Variants in C2orf49 observed in about 807,000 individuals in gnomAD.
The protein encoded by C2orf49 is tRNA-splicing ligase complex subunit ASW.
A neutral mutation model predicts 20.6 loss-of-function variants in C2orf49; 11 were observed. The ratio of observed to expected loss-of-function variants is 0.53; its 90% CI spans 0.34 to 0.88. The LOEUF (loss-of-function observed/expected upper bound fraction) is 0.88. Ranked by LOEUF, C2orf49 falls within the 40% of genes least tolerant of loss-of-function variation. The pLI, the probability that C2orf49 is intolerant of heterozygous loss-of-function variation, is 0.02. For missense variants in C2orf49, 289 were observed against 274.2 expected (o/e 1.05, Z -0.38); for synonymous variants, 134 against 108.5 (o/e 1.24, Z -1.46).
chr2:105,372,249 G>A, the C2orf49 span, among the ~76,000 whole-genome samples: 7 of 151,454 alleles, frequency 4.6e-5, no homozygotes, highest in East Asian at 1.9e-4. Flanking sequence ...TTTTTGAGAC[G>A]GAGTCTCACT....
chr2:105,344,980 T>G (rs190743232), intron 3 of C2orf49, among the ~76,000 whole-genome samples: 17 of 152,282 alleles, frequency 1.1e-4, no homozygotes, highest in African/African-American at 3.8e-4. Flanking sequence ...CAACTCTGAT[T>G]GTATGTTAAC....
chr2:105,379,494 T>A, the C2orf49 span, among the ~76,000 whole-genome samples: 3 of 152,234 alleles, frequency 2.0e-5, no homozygotes, highest in Non-Finnish European at 4.4e-5. Flanking sequence ...CATACCTATT[T>A]TGAGCCATAC....
At chr2:105,361,623 TG>T in the C2orf49 span, among the ~76,000 whole-genome samples, 1 of 152,164 alleles carries the variant, frequency 6.6e-6, no homozygotes, top group Non-Finnish European at 1.5e-5. Flanking sequence ...GAGGATCTCG[TG>T]AATATCAGAA....
chr2:105,356,446 G>A, the C2orf49 span, among the ~76,000 whole-genome samples: 41 of 152,044 alleles, frequency 2.7e-4, no homozygotes, highest in Admixed American at 2.2e-3. Context: ...ATGGTGGTGC[G>A]TGCCTGTAGC....
rs376878811 is a variant in C2orf49, at chr2:105,342,972, C to T, written c.391C>T (p.Gln131Ter). 1 of 1,614,234 alleles carries T rather than the reference C, an allele frequency of 6.2e-7. No individual in the cohort carries two copies. Among genetic ancestry groups the T allele is most frequent in the Non-Finnish European group, 8.5e-7 (1 of 1,180,044 alleles). The part of the protein sequence containing the change: ...GDNDRLKPPP[Q>*]ASFTSNAFRK... ...TAATGATCGACTGAAGCCTCCCCCG[C>T]AGGCAAGCTTTACCAGTAATGCCTT... Residue 131 changes from glutamine (Q) to a stop codon, truncating the protein, a stop_gained, in exon 3 of 4, where the codon CAG becomes TAG. Coordinates refer to ENST00000258457, the MANE Select transcript of C2orf49 (RefSeq NM_024093.3). LOFTEE classifies it high-confidence loss of function.
At chr2:105,381,435 C>T in the C2orf49 span, among the ~76,000 whole-genome samples, 1 of 152,272 alleles carries the variant, frequency 6.6e-6, no homozygotes, top group South Asian at 2.1e-4. Context: ...GGTGGCAGGA[C>T]TTGTCCCCTT....
chr2:105,345,113 C>T (rs1199167907), intron 3 of C2orf49, among the ~76,000 whole-genome samples: 7 of 152,072 alleles, frequency 4.6e-5, no homozygotes, highest in African/African-American at 1.7e-4. Context: ...TTTAAGTGCT[C>T]TAAGTTATTC....
At chr2:105,361,707 GT>G in the C2orf49 span, among the ~76,000 whole-genome samples, 1 of 152,160 alleles carries the variant, frequency 6.6e-6, no homozygotes, top group Admixed American at 6.5e-5. Flanking sequence ...TTTGTTATGT[GT>G]TTTCCCACAA....
chr2:105,355,770 T>TTGTGTGTGTGTG, the C2orf49 span, among the ~76,000 whole-genome samples: 9 of 143,112 alleles, frequency 6.3e-5, no homozygotes, highest in South Asian at 4.5e-4. Context: ...AGAAAAAATT[T>TTGTGTGTGTGTG]TGTGTGTGTG....
the C2orf49 span, among the ~76,000 whole-genome samples, chr2:105,368,685 G>A: frequency 6.6e-6 from 1 of 152,156 alleles, no homozygotes; most frequent in Admixed American, 6.5e-5. Context: ...GCAAGTGCTC[G>A]GTGTCTGTTG....
chr2:105,360,321 G>A, the C2orf49 span: 9 of 149,676 alleles, frequency 6.0e-5, no homozygotes, highest in African/African-American at 2.2e-4. Flanking sequence ...AAAAAAAAAG[G>A]GAGAGAAGGT....
chr2:105,380,743 C>T, the C2orf49 span, among the ~76,000 whole-genome samples: 4 of 151,736 alleles, frequency 2.6e-5, no homozygotes, highest in Non-Finnish European at 5.9e-5. Context: ...TGGAAATATC[C>T]GGTTTTAAAT....
chr2:105,364,132 TG>T, the C2orf49 span, among the ~76,000 whole-genome samples: 32 of 152,276 alleles, frequency 2.1e-4, no homozygotes, highest in Admixed American at 6.5e-4. Flanking sequence ...GTGGTGCACC[TG>T]TATTCCCAGC....
the C2orf49 span, chr2:105,373,982 G>A: frequency 1.1e-4 from 60 of 529,946 alleles, no homozygotes; most frequent in African/African-American, 1.0e-3. Flanking sequence ...GTCTGTGTGT[G>A]AGAGATGCTT....
chr2:105,361,226 A>G, the C2orf49 span: 1 of 1,559,800 alleles, frequency 6.4e-7, no homozygotes, highest in Non-Finnish European at 8.7e-7. Context: ...CTGGGTGAGA[A>G]AGAAAACATA....
chr2:105,369,288 T>G, the C2orf49 span, among the ~76,000 whole-genome samples: 1 of 152,196 alleles, frequency 6.6e-6, no homozygotes, highest in African/African-American at 2.4e-5. Flanking sequence ...TATAGACTAG[T>G]CCATAGCTCT....
chr2:105,363,100 A>G, the C2orf49 span: 2 of 594,468 alleles, frequency 3.4e-6, no homozygotes, highest in East Asian at 5.8e-5. Flanking sequence ...GGAAGGAATC[A>G]TTACTTGCTG....
At position 105,337,662 on chromosome 2, in the gene C2orf49, G is replaced by A; in HGVS notation, c.75G>A (p.Glu25=). ...LLLHPELLSQ[E]FLLLTLEQKN... ...TGCACCCGGAGCTGCTGTCCCAGGA[G>A]TTCCTTCTCCTCACTCTGGAGCAGG... is the stretch of plus-strand genomic sequence containing the variant. Residue 25 remains glutamate (E), a synonymous_variant, in exon 1 of 4, where the codon GAG becomes GAA. Coordinates refer to ENST00000258457, the MANE Select transcript of C2orf49 (RefSeq NM_024093.3). The A allele has an allele frequency of 6.4e-7, 1 of 1,559,440 alleles. No individual in the cohort carries two copies. Among genetic ancestry groups the A allele is most frequent in the Non-Finnish European group, 8.7e-7 (1 of 1,154,032 alleles).
the C2orf49 span, chr2:105,367,842 G>A: frequency 8.4e-7 from 1 of 1,196,126 alleles, no homozygotes; most frequent in South Asian, 1.5e-5. Context: ...TTTATGACCA[G>A]AGCAAGCCAC....
Sources: gnomAD v4.1 joint callset for allele counts (sites outside exome capture counted in the v4.1 genomes callset) on GRCh38, gnomAD v4.1.1 for gene constraint, MANE v1.5 for transcripts, NCBI Gene and HGNC (gene_info 2026-07-23, HGNC 2026-07-21) for gene names.